Variants in FCRL5 observed in about 807,000 individuals in gnomAD.
FCRL5 encodes the protein Fc receptor like 5.
FCRL5 carries 79 observed loss-of-function variants against 92.1 expected under a neutral mutation model. The ratio of observed to expected loss-of-function variants is 0.86; its 90% confidence interval spans 0.72 to 1.03. The LOEUF (loss-of-function observed/expected upper bound fraction) is 1.03. Among genes scored for constraint, FCRL5 ranks in the 50% least tolerant of loss-of-function variants. The probability of loss-of-function intolerance (pLI) is 0.00; values close to 1 mark genes in which losing one functional copy is unlikely to be tolerated. For missense variants in FCRL5, 1,160 were observed against 1,181.1 expected, an observed-to-expected ratio of 0.98 and a Z score of 0.26; for synonymous variants, 466 against 469.3, an observed-to-expected ratio of 0.99 and a Z score of 0.09.
At chr1:157,545,882 T>C (rs1026167008) in intron 3 of FCRL5, among the ~76,000 whole-genome samples, 5 of 152,228 alleles carry the variant, frequency 3.3e-5, no homozygotes, top group Non-Finnish European at 5.9e-5. Flanking sequence ...GATGGACATC[T>C]GTGATTGTTT....
intron 1 of FCRL5, among the ~76,000 whole-genome samples, chr1:157,551,268 T>G (rs1454947758): frequency 6.6e-6 from 1 of 152,174 alleles, no homozygotes; most frequent in African/African-American, 2.4e-5. Context: ...AACTTTGCCC[T>G]CTCATGCTCA....
At chr1:157,542,639 C>A in intron 6 of FCRL5, 1 of 535,872 alleles carries the variant, frequency 1.9e-6, no homozygotes. Flanking sequence ...GATAGAAAGC[C>A]ACTGCACCAT....
intron 10 of FCRL5, 117 bp downstream of exon 10, chr1:157,524,162 G>C: frequency 2.8e-6 from 3 of 1,072,218 alleles, no homozygotes; most frequent in Non-Finnish European, 4.1e-6. Flanking sequence ...CAGGAAGTGT[G>C]CTGGGATGCC....
intron 5 of FCRL5, 67 bp downstream of exon 5, chr1:157,544,195 G>T: frequency 6.4e-7 from 1 of 1,553,078 alleles, no homozygotes; most frequent in Non-Finnish European, 8.8e-7. Context: ...GACCCACGCT[G>T]ATATGCAGCC....
chr1:157,549,595 G>A lies in FCRL5; in HGVS notation c.32-15C>T, dbSNP rs1651720852. The A allele has an allele frequency of 6.2e-7, 1 of 1,603,774 alleles. No homozygotes were observed. The highest frequency in any genetic ancestry group is 8.5e-7 in the Non-Finnish European group (1 of 1,178,866). ...ACTGACAGGAGCTGCAAAAAAATAA[G>A]AGCCAGAGATGAGCACAGAACCATG... On this transcript the variant is annotated splice_polypyrimidine_tract_variant and intron_variant, in intron 1 of 16. Coordinates refer to ENST00000361835, the MANE Select transcript of FCRL5 (RefSeq NM_031281.3).
intron 10 of FCRL5, among the ~76,000 whole-genome samples, chr1:157,522,999 G>T (rs1269299968): frequency 6.6e-6 from 1 of 152,174 alleles, no homozygotes; most frequent in East Asian, 1.9e-4. Context: ...TGCTGCTGGT[G>T]GGGGAAGAAG....
chr1:157,517,365 C>A (rs1025048265), intron 15 of FCRL5, among the ~76,000 whole-genome samples: 3 of 152,204 alleles, frequency 2.0e-5, no homozygotes, highest in East Asian at 3.8e-4. Context: ...CTAATTGCTG[C>A]AACCTGTGAC....
At chr1:157,536,934 A>G (rs1294772127) in intron 7 of FCRL5, among the ~76,000 whole-genome samples, 1 of 152,188 alleles carries the variant, frequency 6.6e-6, no homozygotes, top group Non-Finnish European at 1.5e-5. Flanking sequence ...GATTTCATGG[A>G]CACTTATCAC....
intron 5 of FCRL5, 100 bp downstream of exon 5, chr1:157,544,162 G>A (rs940880376): frequency 1.6e-6 from 2 of 1,239,566 alleles, no homozygotes; most frequent in African/African-American, 1.5e-5. Flanking sequence ...TCACAGGTAC[G>A]AGTTTTTTCT....
intron 7 of FCRL5, 115 bp downstream of exon 7, chr1:157,538,971 G>A: frequency 8.6e-7 from 1 of 1,156,268 alleles, no homozygotes. Flanking sequence ...GAGGATATTA[G>A]GTTGTTTCAA....
intron 9 of FCRL5, among the ~76,000 whole-genome samples, chr1:157,524,913 A>G (rs1031456072): frequency 1.3e-5 from 2 of 152,232 alleles, no homozygotes; most frequent in African/African-American, 4.8e-5. Context: ...ATGTAATTGC[A>G]TCTGGGCTGC....
intron 8 of FCRL5, chr1:157,532,562 T>A (rs1650747992): frequency 6.6e-6 from 1 of 152,216 alleles, no homozygotes; most frequent in Non-Finnish European, 1.5e-5. Flanking sequence ...TTTTTTACAT[T>A]TTCAGTGTTC....
chr1:157,534,730 A>C lies in FCRL5; in HGVS notation c.1565T>G (p.Val522Gly), dbSNP rs1368952649. 6.2e-7 allele frequency: 1 copy of C among 1,614,154 alleles called. No homozygotes were observed. The highest frequency in any genetic ancestry group is 8.5e-7 in the Non-Finnish European group (1 of 1,180,024). ...AGAGAAGCTGAAGGACACTCTTCCC[A>C]CAGAGGGTGTTGAGCTGCTCCACAG... ...MPLWSSSTPSVGRVSFSFSLT... is the reference protein window; with the variant it reads ...MPLWSSSTPSGGRVSFSFSLT... Residue 522 changes from valine (V) to glycine (G), a missense_variant, in exon 8 of 17, where the codon GTG (valine) becomes GGG (glycine). Physicochemically the swap from Val to Gly is moderately radical, Grantham distance 109. Transcript: ENST00000361835.
chr1:157,530,008 A>C (rs1255112847), intron 8 of FCRL5, among the ~76,000 whole-genome samples: 1 of 152,240 alleles, frequency 6.6e-6, no homozygotes, highest in Non-Finnish European at 1.5e-5. Context: ...AATAAAATCA[A>C]ACTTTACAGA....
chr1:157,551,457 T>G (rs1036683811), intron 1 of FCRL5, among the ~76,000 whole-genome samples: 1 of 152,258 alleles, frequency 6.6e-6, no homozygotes, highest in South Asian at 2.1e-4. Flanking sequence ...CTAGCTATTT[T>G]GAATACAGTT....
At chr1:157,526,487 T>C (rs191207848) in intron 9 of FCRL5, among the ~76,000 whole-genome samples, 7 of 152,204 alleles carry the variant, frequency 4.6e-5, no homozygotes, top group African/African-American at 7.2e-5. Flanking sequence ...AGATATACCA[T>C]GTTACGTGCC....
chr1:157,544,507 T>C lies in FCRL5; in HGVS notation c.599A>G (p.Gln200Arg). 1 of 1,614,142 alleles carries C rather than the reference T, an allele frequency of 6.2e-7. No individual in the cohort carries two copies. The highest frequency in any genetic ancestry group is 8.5e-7 in the Non-Finnish European group (1 of 1,180,026). Residue 200 changes from glutamine (Q) to arginine (R), a missense_variant, in exon 5 of 17, where the codon CAG becomes CGG. Coordinates refer to ENST00000361835, the MANE Select transcript of FCRL5 (RefSeq NM_031281.3). ...TRPVLRASSF[Q>R]PISGNPVTLT... ...GGTCACTGGGTTCCCGCTGATGGGC[T>C]GGAAGGAGCTGGCTCTCAGCACTGG...
At chr1:157,551,034 T>A (rs1651785711) in intron 1 of FCRL5, among the ~76,000 whole-genome samples, 2 of 152,254 alleles carry the variant, frequency 1.3e-5, no homozygotes, top group African/African-American at 4.8e-5. Flanking sequence ...CCTGAATATT[T>A]TGGCTTCCTT....
chr1:157,547,220 G>A (rs1245094060), intron 2 of FCRL5, 23 bp from the exon 3 acceptor site: 1 of 1,611,900 alleles, frequency 6.2e-7, no homozygotes, highest in Non-Finnish European at 8.5e-7. Context: ...GAGAAAAGGA[G>A]TCTGAGGTGG....
Sources: allele counts gnomAD v4.1 joint callset (sites outside exome capture counted in the v4.1 genomes callset), GRCh38; gene constraint gnomAD v4.1.1; transcripts MANE v1.5; gene names NCBI Gene and HGNC (gene_info 2026-07-23, HGNC 2026-07-21).